PPP2R3A: variants seen among roughly 807,000 people sequenced by gnomAD.
PPP2R3A encodes the protein protein phosphatase 2 regulatory subunit B''alpha.
In PPP2R3A, 80 loss-of-function variants were observed where a neutral mutation model predicts 106.9. The ratio of observed to expected loss-of-function variants is 0.75; its 90% CI spans 0.62 to 0.90. The LOEUF is 0.90. Ranked by LOEUF, PPP2R3A falls within the 40% of genes least tolerant of loss-of-function variation. The probability of loss-of-function intolerance (pLI) is 0.00; values close to 1 mark genes in which losing one functional copy is unlikely to be tolerated. For missense variants in PPP2R3A, 1,386 were observed against 1,350.4 expected, an observed-to-expected ratio of 1.03 and a Z score of -0.41; for synonymous variants, 483 against 468.3, an observed-to-expected ratio of 1.03 and a Z score of -0.41.
At chr3:136,013,591 TTGC>T (rs1934167859) in intron 2 of PPP2R3A, among the ~76,000 whole-genome samples, 1 of 152,180 alleles carries the variant, frequency 6.6e-6, no homozygotes, top group African/African-American at 2.4e-5. Flanking sequence ...GATTTGCATT[TTGC>T]TGATCGTTAG....
At chr3:136,039,693 A>G (rs1455876122) in intron 3 of PPP2R3A, among the ~76,000 whole-genome samples, 2 of 152,130 alleles carry the variant, frequency 1.3e-5, no homozygotes. Context: ...CCCAGTACCT[A>G]ACAGGCCACG....
At chr3:136,113,483 G>C (rs901578756) in intron 13 of PPP2R3A, among the ~76,000 whole-genome samples, 2 of 152,064 alleles carry the variant, frequency 1.3e-5, no homozygotes, top group Admixed American at 6.6e-5. Context: ...GTCAATGCAA[G>C]ATAGAATAAA....
intron 13 of PPP2R3A, 140 bp from the exon 14 acceptor site, chr3:136,144,903 C>T: frequency 1.3e-6 from 1 of 789,506 alleles, no homozygotes; most frequent in South Asian, 1.8e-5. Context: ...TCCTTCACGG[C>T]AGTTGAGTTG....
At chr3:135,991,610 G>C (rs1363660081) in intron 1 of PPP2R3A, among the ~76,000 whole-genome samples, 1 of 152,090 alleles carries the variant, frequency 6.6e-6, no homozygotes, top group Non-Finnish European at 1.5e-5. Flanking sequence ...TAGTTCTCTG[G>C]TAAAATGTAG....
At chr3:136,110,875 T>C in intron 13 of PPP2R3A, among the ~76,000 whole-genome samples, 1 of 152,040 alleles carries the variant, frequency 6.6e-6, no homozygotes. Context: ...ATACGAAAGA[T>C]AGGAAAGGTC....
At chr3:136,075,705 AAAGT>A (rs1936572513) in intron 6 of PPP2R3A, among the ~76,000 whole-genome samples, 1 of 152,184 alleles carries the variant, frequency 6.6e-6, no homozygotes, top group South Asian at 2.1e-4. Flanking sequence ...TAAATAATAT[AAAGT>A]ATTTGAGTAT....
rs186387955 is a variant in PPP2R3A, at chr3:136,034,749, G to A, written c.2263-6110G>A. On this transcript the variant is annotated intron_variant, in intron 3 of 13. Coordinates refer to ENST00000264977, the MANE Select transcript of PPP2R3A (RefSeq NM_002718.5). Reference sequence around the variant, plus strand: ...ATGTCTATTAAGTCCATTTGTTCCAGGGTATAGTTTAAATCCATTGTTTGT... The same window carrying A: ...ATGTCTATTAAGTCCATTTGTTCCAAGGTATAGTTTAAATCCATTGTTTGT... 2.6e-5 allele frequency among the ~76,000 whole-genome samples: 4 copies of A among 152,240 alleles called. No homozygotes were observed. In the East Asian group the frequency reaches 7.7e-4, roughly 29 times the overall value.
intron 8 of PPP2R3A, 72 bp downstream of exon 8, chr3:136,082,493 G>A: frequency 6.6e-7 from 1 of 1,521,380 alleles, no homozygotes; most frequent in Non-Finnish European, 9.0e-7. Flanking sequence ...CTCATTATGA[G>A]AAATTCCCGT....
chr3:136,087,346 C>T (rs1479854930), intron 8 of PPP2R3A: 1 of 128,794 alleles, frequency 7.8e-6, no homozygotes, highest in Non-Finnish European at 1.6e-5. Flanking sequence ...AATAAAACTT[C>T]CTGATGGAAT....
intron 13 of PPP2R3A, among the ~76,000 whole-genome samples, chr3:136,127,734 A>G (rs549264518): frequency 6.6e-6 from 1 of 152,200 alleles, no homozygotes; most frequent in Non-Finnish European, 1.5e-5. Context: ...GGTTGAAATG[A>G]AGGAGAAAGT....
At chr3:136,018,445 C>T (rs898447772) in intron 2 of PPP2R3A, among the ~76,000 whole-genome samples, 5 of 152,084 alleles carry the variant, frequency 3.3e-5, no homozygotes, top group African/African-American at 1.2e-4. Context: ...CTGATTTCCC[C>T]AGAAAAAAAG....
intron 1 of PPP2R3A, among the ~76,000 whole-genome samples, chr3:135,995,517 C>T (rs945160509): frequency 1.4e-5 from 2 of 141,260 alleles, no homozygotes; most frequent in African/African-American, 5.4e-5. Context: ...TGCAATGGCA[C>T]GATCTCGGCT....
At chr3:136,030,778 A>ATATGTATGTATGTATG (rs1160535378) in intron 3 of PPP2R3A, among the ~76,000 whole-genome samples, 2 of 111,258 alleles carry the variant, frequency 1.8e-5, no homozygotes, top group Non-Finnish European at 3.9e-5. Context: ...ATATATATAT[A>ATATGTATGTATGTATG]TATGTATGTA....
intron 6 of PPP2R3A, among the ~76,000 whole-genome samples, chr3:136,078,018 C>T (rs1936653712): frequency 6.6e-6 from 1 of 152,206 alleles, no homozygotes; most frequent in South Asian, 2.1e-4. Context: ...CCAGGAGATA[C>T]TTCCCACCTC....
chr3:135,977,495 T>A (rs2107754101), intron 1 of PPP2R3A, among the ~76,000 whole-genome samples: 1 of 152,336 alleles, frequency 6.6e-6, no homozygotes, highest in Admixed American at 6.5e-5. Context: ...TTTTAACCAT[T>A]ACACTGTTTT....
intron 1 of PPP2R3A, among the ~76,000 whole-genome samples, chr3:136,000,601 A>AG (rs1278716041): frequency 6.6e-6 from 1 of 152,162 alleles, no homozygotes; most frequent in Non-Finnish European, 1.5e-5. Flanking sequence ...GTAGTCTTTG[A>AG]GAAGACTAGG....
intron 4 of PPP2R3A, among the ~76,000 whole-genome samples, chr3:136,042,254 T>G (rs1038500276): frequency 1.3e-5 from 2 of 152,162 alleles, no homozygotes; most frequent in African/African-American, 4.8e-5. Flanking sequence ...GAGTCTATGT[T>G]GGTGGAGGGT....
At chr3:136,126,521 A>G (rs1576330481) in intron 13 of PPP2R3A, among the ~76,000 whole-genome samples, 1 of 152,214 alleles carries the variant, frequency 6.6e-6, no homozygotes, top group African/African-American at 2.4e-5. Context: ...CTGCAACTCA[A>G]CAATGCCTAC....
At chr3:135,984,869 A>AGGAG (rs1937585224) in intron 1 of PPP2R3A, among the ~76,000 whole-genome samples, 1 of 151,998 alleles carries the variant, frequency 6.6e-6, no homozygotes, top group African/African-American at 2.4e-5. Context: ...GCAGAAGGCA[A>AGGAG]GGAGGAGCAA....
Sources: allele counts gnomAD v4.1 joint callset (sites outside exome capture counted in the v4.1 genomes callset), GRCh38; gene constraint gnomAD v4.1.1; transcripts MANE v1.5; gene names NCBI Gene and HGNC (gene_info 2026-07-23, HGNC 2026-07-21).